DIAPH3: variants seen among roughly 807,000 people sequenced by gnomAD.
DIAPH3 encodes the protein protein diaphanous homolog 3.
Under a neutral mutation model 144.3 loss-of-function variants are expected in DIAPH3, and 117 were observed. That is an observed-to-expected ratio of 0.81 (90% CI 0.70 to 0.95). The LOEUF (loss-of-function observed/expected upper bound fraction) is 0.95. DIAPH3 is among the 40% of genes least tolerant of loss of function. DIAPH3 has a pLI of 0.00. For synonymous variants in DIAPH3, 519 were observed against 488.9 expected, an observed-to-expected ratio of 1.06 and a Z score of -0.81; for missense variants, 1,421 against 1,412.7, an observed-to-expected ratio of 1.01 and a Z score of -0.09.
chr13:60,081,266 T>C (rs972453460), intron 4 of DIAPH3, among the ~76,000 whole-genome samples: 2 of 151,960 alleles, frequency 1.3e-5, no homozygotes, highest in Admixed American at 1.3e-4. Context: ...TGCATAAGCA[T>C]AGCATAGAAA....
chr13:60,038,277 C>G (rs1268330672), intron 5 of DIAPH3, among the ~76,000 whole-genome samples: 1 of 152,154 alleles, frequency 6.6e-6, no homozygotes, highest in East Asian at 1.9e-4. Context: ...TGTTTAATAT[C>G]TAATTTAAAA....
At position 59,991,207 on chromosome 13, in the gene DIAPH3, T is replaced by A; in HGVS notation, c.1312A>T (p.Ile438Phe). 6.2e-7 allele frequency: 1 copy of A among 1,611,226 alleles called. No homozygotes were observed. Among genetic ancestry groups the A allele is most frequent in the Non-Finnish European group, 8.5e-7 (1 of 1,178,542 alleles). ...VKETRAEGYF[I>F]SILQHLLLIR... ...AGCAAAAGATGCTGAAGAATAGAAA[T>A]AAAATATCCCTCTGCTCTAGTTTCT... The change falls in exon 12 of 28, where the codon ATT (isoleucine) becomes TTT (phenylalanine). Residue 438 changes from isoleucine to phenylalanine, a missense_variant. Physicochemically the swap from Ile to Phe is conservative, Grantham distance 21. Transcript: ENST00000400324.
chr13:59,841,101 G>C (rs1013239871), intron 22 of DIAPH3, among the ~76,000 whole-genome samples: 1 of 151,884 alleles, frequency 6.6e-6, no homozygotes, highest in Non-Finnish European at 1.5e-5. Flanking sequence ...TACTCTTCCC[G>C]TTTCCAACTT....
At chr13:59,878,434 T>A (rs2044769923) in intron 21 of DIAPH3, among the ~76,000 whole-genome samples, 2 of 152,142 alleles carry the variant, frequency 1.3e-5, no homozygotes, top group Non-Finnish European at 2.9e-5. Flanking sequence ...CTTCCCTAAC[T>A]AGCTGGCAAT....
intron 27 of DIAPH3, among the ~76,000 whole-genome samples, chr13:59,688,884 G>GA (rs1367653164): frequency 7.9e-5 from 12 of 151,830 alleles, no homozygotes; most frequent in Non-Finnish European, 1.3e-4. Flanking sequence ...TGAAGACAAT[G>GA]AAAAAAACTC....
chr13:59,772,100 T>G (rs542403927), intron 27 of DIAPH3, among the ~76,000 whole-genome samples: 1 of 152,122 alleles, frequency 6.6e-6, no homozygotes, highest in East Asian at 1.9e-4. Context: ...AATCACATAG[T>G]TCAGTCGTAG....
In DIAPH3 at chr13:60,016,109, T is replaced by C. The variant is rs2053627019; in HGVS notation, c.663A>G (p.Leu221=). The change falls in exon 6 of 28, where the codon TTA becomes TTG. Residue 221 remains leucine, a synonymous_variant. Transcript: ENST00000400324. ...TCAGTTTTTCCAAAATGTCTAATAA[T>C]AATCCAAGCCCTTCATGTCCAAAGC... The part of the protein sequence containing the change: ...VESFGHEGLG[L]LLDILEKLIS... The C allele has an allele frequency of 6.2e-7, 1 of 1,613,774 alleles. No homozygotes were observed.
In DIAPH3 at chr13:59,992,518, G is replaced by A. The variant is rs1269323176; in HGVS notation, c.1080C>T (p.His360=). The change falls in exon 10 of 28, where the codon CAC becomes CAT. Residue 360 remains histidine (H), a synonymous_variant. Coordinates refer to ENST00000400324, the MANE Select transcript of DIAPH3 (RefSeq NM_001042517.2). The part of the protein sequence containing the change: ...TSPDDLDFRL[H]IRNEFMRCGL... ...CACAACGCATAAATTCATTTCTGAT[G>A]TGAAGCCTGAAATCCAAATCATCAG... The A allele has an allele frequency of 2.5e-6, 4 of 1,612,108 alleles. No individual in the cohort carries two copies. Among genetic ancestry groups the A allele is most frequent in the Non-Finnish European group, 3.4e-6 (4 of 1,179,132 alleles).
At chr13:59,728,928 G>C (rs1286171213) in intron 27 of DIAPH3, among the ~76,000 whole-genome samples, 1 of 152,146 alleles carries the variant, frequency 6.6e-6, no homozygotes, top group Non-Finnish European at 1.5e-5. Context: ...AGGGCTGTGG[G>C]AGGATAAATC....
intron 22 of DIAPH3, among the ~76,000 whole-genome samples, chr13:59,858,593 C>T (rs1314381745): frequency 1.3e-5 from 2 of 151,536 alleles, no homozygotes; most frequent in Non-Finnish European, 2.9e-5. Context: ...AATATACTCA[C>T]CAACAAAAAA....
chr13:59,982,563 A>C (rs1169254891), intron 13 of DIAPH3, among the ~76,000 whole-genome samples: 2 of 151,622 alleles, frequency 1.3e-5, no homozygotes, highest in African/African-American at 4.8e-5. Context: ...AACCCTGCAC[A>C]GATACATAGC....
intron 7 of DIAPH3, among the ~76,000 whole-genome samples, chr13:60,014,303 A>G (rs1030197663): frequency 6.6e-6 from 1 of 152,096 alleles, no homozygotes; most frequent in South Asian, 2.1e-4. Flanking sequence ...CCTATCAGCA[A>G]TTTGATTCTT....
At chr13:59,875,855 A>G (rs751282684) in intron 21 of DIAPH3, among the ~76,000 whole-genome samples, 1 of 152,154 alleles carries the variant, frequency 6.6e-6, no homozygotes, top group Non-Finnish European at 1.5e-5. Flanking sequence ...CAGAGATATT[A>G]TAGTTACTCA....
intron 20 of DIAPH3, among the ~76,000 whole-genome samples, chr13:59,892,578 G>T (rs1407171101): frequency 6.6e-6 from 1 of 151,798 alleles, no homozygotes; most frequent in African/African-American, 2.4e-5. Context: ...AAAATAAAAA[G>T]ACTTAAAATT....
intron 15 of DIAPH3, 125 bp from the exon 16 acceptor site, chr13:59,971,285 G>T: frequency 2.2e-6 from 2 of 894,038 alleles, no homozygotes; most frequent in Non-Finnish European, 3.2e-6. Context: ...AATTTCATAA[G>T]GTTTAACCAA....
At chr13:59,982,552 T>G (rs1363963143) in intron 13 of DIAPH3, among the ~76,000 whole-genome samples, 1 of 151,672 alleles carries the variant, frequency 6.6e-6, no homozygotes, top group East Asian at 1.9e-4. Flanking sequence ...AAAAGAAACA[T>G]AACCCTGCAC....
intron 27 of DIAPH3, among the ~76,000 whole-genome samples, chr13:59,741,044 C>T (rs2036414341): frequency 6.6e-6 from 1 of 152,166 alleles, no homozygotes; most frequent in African/African-American, 2.4e-5. Context: ...TTTGTTCTGC[C>T]TCACTCTAGC....
chr13:59,695,417 C>T (rs1244202045), intron 27 of DIAPH3: 1 of 152,176 alleles, frequency 6.6e-6, no homozygotes, highest in Non-Finnish European at 1.5e-5. Context: ...TTGAAAAGAA[C>T]TTGCTGTTAC....
intron 3 of DIAPH3, among the ~76,000 whole-genome samples, chr13:60,094,138 TTAAAAGGTAAA>T (rs1322420766): frequency 6.6e-6 from 1 of 152,170 alleles, no homozygotes; most frequent in Non-Finnish European, 1.5e-5. Context: ...GTCATAAAAA[TTAAAAGGTAAA>T]TAAACCAACC....
Sources: gnomAD v4.1 joint callset for allele counts (sites outside exome capture counted in the v4.1 genomes callset) on GRCh38, gnomAD v4.1.1 for gene constraint, MANE v1.5 for transcripts, NCBI Gene and HGNC (gene_info 2026-07-23, HGNC 2026-07-21) for gene names.